FRMD3: variants seen among roughly 807,000 people sequenced by gnomAD.
The protein encoded by FRMD3 is FERM domain-containing protein 3.
Under a neutral mutation model 70.2 loss-of-function variants are expected in FRMD3, and 33 were observed. The observed-to-expected ratio is 0.47, with a 90% CI of 0.36 to 0.63. The LOEUF (loss-of-function observed/expected upper bound fraction) is 0.63. Among genes scored for constraint, FRMD3 ranks in the 20% least tolerant of loss-of-function variants. The pLI, the probability that FRMD3 is intolerant of heterozygous loss-of-function variation, is 0.00. For missense variants in FRMD3, 632 were observed against 711.4 expected (o/e 0.89, Z 1.27); for synonymous variants, 279 against 255.9 (o/e 1.09, Z -0.86).
At chr9:83,388,944 T>C (rs1198732646) in intron 2 of FRMD3, among the ~76,000 whole-genome samples, 9 of 135,370 alleles carry the variant, frequency 6.6e-5, no homozygotes, top group Non-Finnish European at 1.4e-4. Context: ...ACCAATAGCT[T>C]TTTTTTTTTT....
chr9:83,458,472 A>G (rs1333439698), intron 1 of FRMD3, among the ~76,000 whole-genome samples: 2 of 152,228 alleles, frequency 1.3e-5, no homozygotes, highest in Non-Finnish European at 2.9e-5. Flanking sequence ...TGAGGATTAA[A>G]ATCAGTGGGA....
the FRMD3 span, among the ~76,000 whole-genome samples, chr9:83,568,849 G>A: frequency 5.9e-5 from 9 of 151,990 alleles, no homozygotes; most frequent in South Asian, 4.1e-4. Context: ...AATAGATCAT[G>A]CCACATTGAT....
intron 1 of FRMD3, among the ~76,000 whole-genome samples, chr9:83,429,312 A>T (rs1445130338): frequency 2.0e-5 from 3 of 152,078 alleles, no homozygotes; most frequent in Non-Finnish European, 4.4e-5. Context: ...GGTTCCTGTC[A>T]CTTGGAAGAT....
chr9:83,436,882 C>A (rs1314579440), intron 1 of FRMD3, among the ~76,000 whole-genome samples: 1 of 151,754 alleles, frequency 6.6e-6, no homozygotes, highest in Admixed American at 6.6e-5. Context: ...CACAGCATAC[C>A]CCCTGGAAAG....
In FRMD3 at chr9:83,248,055, C is replaced by A. The variant is rs1182117779; in HGVS notation, c.1657G>T (p.Gly553Cys). 6.2e-7 allele frequency: 1 copy of A among 1,614,148 alleles called. No individual in the cohort carries two copies. The highest frequency in any genetic ancestry group is 1.7e-5 in the Admixed American group (1 of 60,022). ...FPLLLLLLES[G>C]IDLSFLCEIR... ...TCGCATAAGAAGGAGAGATCAATACCTGACTCCAAAAGGAGGAGGAGCAGG... is the reference window on the plus strand; with the variant it reads ...TCGCATAAGAAGGAGAGATCAATACATGACTCCAAAAGGAGGAGGAGCAGG... Residue 553 changes from glycine (G) to cysteine (C), a missense_variant, in exon 14 of 14, where the codon GGT becomes TGT. Transcript: ENST00000304195.
intron 13 of FRMD3, among the ~76,000 whole-genome samples, chr9:83,269,748 CAAACA>C (rs1347770421): frequency 6.6e-6 from 1 of 152,112 alleles, no homozygotes; most frequent in Non-Finnish European, 1.5e-5. Flanking sequence ...TATAAACAAA[CAAACA>C]AAAGTATTAT....
intron 2 of FRMD3, among the ~76,000 whole-genome samples, chr9:83,376,613 T>C (rs1017019045): frequency 2.2e-5 from 1 of 46,190 alleles, no homozygotes; most frequent in South Asian, 5.1e-4. Flanking sequence ...CTATATTCCT[T>C]TTTTTTTTTT....
chr9:83,333,934 G>A (rs1452527727), intron 6 of FRMD3, among the ~76,000 whole-genome samples: 1 of 152,094 alleles, frequency 6.6e-6, no homozygotes, highest in Non-Finnish European at 1.5e-5. Flanking sequence ...GTGGGATAAT[G>A]CACTTAAAGC....
rs186160858 is a variant in FRMD3 at position 83,371,470 on chromosome 9, C to T, written c.295+1443G>A. 2.9e-4 allele frequency among the ~76,000 whole-genome samples: 44 copies of T among 152,272 alleles called. No homozygotes were observed. In the East Asian group the frequency reaches 5.2e-3, roughly 18 times the overall value. On this transcript the variant is annotated intron_variant, in intron 3 of 13. Transcript: ENST00000304195. ...TAGCTGGGACTACAGGCAACCACCA[C>T]CACACCCAGCTAATTTTTGTATTTT...
chr9:83,313,013 T>C (rs1835422575), intron 7 of FRMD3, among the ~76,000 whole-genome samples: 1 of 152,252 alleles, frequency 6.6e-6, no homozygotes, highest in African/African-American at 2.4e-5. Flanking sequence ...GACTAGTGTC[T>C]GGCTGATGCA....
intron 2 of FRMD3, among the ~76,000 whole-genome samples, chr9:83,373,881 T>C (rs1185365905): frequency 6.6e-6 from 1 of 152,184 alleles, no homozygotes; most frequent in East Asian, 1.9e-4. Context: ...CATTGAGCTC[T>C]TGCACCTCAC....
intron 12 of FRMD3, chr9:83,297,862 G>T (rs1400102947): frequency 2.1e-6 from 1 of 470,768 alleles, no homozygotes; most frequent in African/African-American, 2.0e-5. Context: ...CCCGGTGTGG[G>T]AGAGAAATGC....
chr9:83,436,682 C>T lies in FRMD3; in HGVS notation c.148-46974G>A, dbSNP rs1393394609. Among the ~76,000 whole-genome samples the T allele has an allele frequency of 3.3e-5, 5 of 150,518 alleles. 1 individual carries two copies. The highest frequency in any genetic ancestry group is 1.2e-4 in the African/African-American group (5 of 40,904). On this transcript the variant is annotated intron_variant, in intron 1 of 13. Transcript: ENST00000304195. ...TCTGTCCTGGACCTAGACAAAAATACAATTTTGCTTTTAAATTATGCCATC... is the reference window on the plus strand; with the variant it reads ...TCTGTCCTGGACCTAGACAAAAATATAATTTTGCTTTTAAATTATGCCATC...
chr9:83,415,521 C>T (rs1826408457), intron 1 of FRMD3, among the ~76,000 whole-genome samples: 1 of 150,566 alleles, frequency 6.6e-6, no homozygotes, highest in African/African-American at 2.5e-5. Flanking sequence ...CGGCTCACTC[C>T]AAGTTCCACC....
intron 1 of FRMD3, among the ~76,000 whole-genome samples, chr9:83,527,056 G>C (rs1829698990): frequency 6.6e-6 from 1 of 151,964 alleles, no homozygotes; most frequent in African/African-American, 2.4e-5. Context: ...GAACAGCTGG[G>C]GCCCCTATGC....
rs1256911635 is a variant in FRMD3 at position 83,507,695 on chromosome 9, T to TAC, written c.147+30389_147+30390insGT. 4.9e-3 allele frequency among the ~76,000 whole-genome samples: 177 copies of TAC among 35,990 alleles called. 8 individuals carry two copies. Among genetic ancestry groups the TAC allele is most frequent in the Non-Finnish European group, 7.4e-3 (147 of 19,868 alleles). The allele number at this position is 35,990 out of a possible 152,430, so 23.6% of individuals were successfully genotyped here. ...AAACAAAAAAAAATATACATACATA[T>TAC]ATATATATATATATATATATATATA... On this transcript the variant is annotated intron_variant, in intron 1 of 13. Coordinates refer to ENST00000304195, the MANE Select transcript of FRMD3 (RefSeq NM_174938.6).
At chr9:83,489,863 A>G (rs1828777225) in intron 1 of FRMD3, among the ~76,000 whole-genome samples, 1 of 152,236 alleles carries the variant, frequency 6.6e-6, no homozygotes, top group Non-Finnish European at 1.5e-5. Flanking sequence ...AGTACGATAA[A>G]CACAGAGAAA....
intron 1 of FRMD3, among the ~76,000 whole-genome samples, chr9:83,494,941 TA>T (rs1828911011): frequency 1.3e-5 from 2 of 152,148 alleles, no homozygotes. Context: ...CCTACTTTAA[TA>T]AAACAAAAGA....
At chr9:83,503,891 G>A (rs1211292305) in intron 1 of FRMD3, among the ~76,000 whole-genome samples, 1 of 152,222 alleles carries the variant, frequency 6.6e-6, no homozygotes, top group East Asian at 1.9e-4. Context: ...GAAGGAAAAG[G>A]AAGATATAGC....
Sources: gnomAD v4.1 joint callset for allele counts (sites outside exome capture counted in the v4.1 genomes callset) on GRCh38, gnomAD v4.1.1 for gene constraint, MANE v1.5 for transcripts, NCBI Gene and HGNC (gene_info 2026-07-23, HGNC 2026-07-21) for gene names.